The following FNDC3B variants were observed in gnomAD, a reference collection of about 807,000 sequenced individuals.
FNDC3B encodes fibronectin type III domain-containing protein 3B.
FNDC3B carries 12 observed loss-of-function variants against 151.5 expected under a neutral mutation model. The observed-to-expected ratio is 0.08, with a 90% CI of 0.05 to 0.13. FNDC3B has a LOEUF of 0.13. Among genes scored for constraint, FNDC3B ranks in the 10% least tolerant of loss-of-function variants. The pLI is 1.00. For synonymous variants in FNDC3B, 528 were observed against 549.0 expected (o/e 0.96, Z 0.54); for missense variants, 1,214 against 1,505.3 (o/e 0.81, Z 3.20).
chr3:172,159,923 AT>A (rs1303425770), intron 3 of FNDC3B, among the ~76,000 whole-genome samples: 1 of 152,188 alleles, frequency 6.6e-6, no homozygotes, highest in African/African-American at 2.4e-5. Context: ...GTAGAGGTCA[AT>A]TCATTTAACC....
chr3:172,138,718 G>A (rs1175175520), intron 3 of FNDC3B, among the ~76,000 whole-genome samples: 1 of 152,176 alleles, frequency 6.6e-6, no homozygotes, highest in East Asian at 1.9e-4. Context: ...ATACTTAATT[G>A]CTAATAGTTT....
At chr3:172,142,705 C>G (rs147192276) in intron 3 of FNDC3B, among the ~76,000 whole-genome samples, 7 of 152,216 alleles carry the variant, frequency 4.6e-5, no homozygotes, top group Non-Finnish European at 7.3e-5. Context: ...CAGAGCCTAT[C>G]CTGCATGCAG....
intron 9 of FNDC3B, chr3:172,303,095 CATACACAAATGTA>C (rs1731014558): frequency 6.6e-6 from 1 of 151,838 alleles, no homozygotes; most frequent in South Asian, 2.1e-4. Context: ...AATATGTATA[CATACACAAATGTA>C]TGCTGTGTAT....
At chr3:172,090,831 T>C (rs774310572) in intron 1 of FNDC3B, among the ~76,000 whole-genome samples, 2 of 152,216 alleles carry the variant, frequency 1.3e-5, no homozygotes, top group African/African-American at 2.4e-5. Flanking sequence ...TTGTTTCATG[T>C]ATAATATTAT....
In FNDC3B at chr3:172,398,481, G is replaced by A. The variant is rs1005355919; in HGVS notation, c.*1006G>A. On this transcript the variant is annotated 3_prime_UTR_variant, in exon 26 of 26. Transcript: ENST00000415807. ...TCTTTGAGGTATCAATGAAGTGATT[G>A]AATTTCAATACCTTAATTCAGTGCA... 4 of 152,284 alleles carry A rather than the reference G, an allele frequency of 2.6e-5. No individual in the cohort carries two copies. Among genetic ancestry groups the A allele is most frequent in the African/African-American group, 9.7e-5 (4 of 41,432 alleles). The allele number at this position is 152,284 out of a possible 1,614,324, so 9.4% of individuals were successfully genotyped here.
intron 21 of FNDC3B, among the ~76,000 whole-genome samples, chr3:172,351,046 T>C (rs755922982): frequency 5.9e-5 from 9 of 152,234 alleles, no homozygotes; most frequent in Non-Finnish European, 1.2e-4. Context: ...CAAGTACAGT[T>C]GCCAGAAATA....
At chr3:172,377,294 A>C (rs189164943) in intron 23 of FNDC3B, among the ~76,000 whole-genome samples, 79 of 152,336 alleles carry the variant, frequency 5.2e-4, no homozygotes, top group African/African-American at 1.9e-3. Context: ...GGATTAACTT[A>C]TGTAGTGGTT....
chr3:172,131,396 G>GAAAA (rs1236059229), intron 2 of FNDC3B, among the ~76,000 whole-genome samples: 1 of 106,304 alleles, frequency 9.4e-6, no homozygotes, highest in African/African-American at 3.5e-5. Context: ...TCCGTCTCAA[G>GAAAA]AAAAAAAAAA....
At chr3:172,218,134 G>GAA (rs57576493) in intron 3 of FNDC3B, among the ~76,000 whole-genome samples, 249 of 62,706 alleles carry the variant, frequency 4.0e-3, no homozygotes, top group African/African-American at 0.012. Flanking sequence ...CGACTTTCAG[G>GAA]AAAAAAAAAA....
chr3:172,086,068 A>G (rs550298215), intron 1 of FNDC3B, among the ~76,000 whole-genome samples: 1 of 152,310 alleles, frequency 6.6e-6, no homozygotes, highest in African/African-American at 2.4e-5. Context: ...GACCTAAACA[A>G]TTAAGCTCTG....
chr3:172,214,893 G>A (rs1210003899), intron 3 of FNDC3B, among the ~76,000 whole-genome samples: 1 of 152,252 alleles, frequency 6.6e-6, no homozygotes, highest in East Asian at 1.9e-4. Flanking sequence ...GTAGTTAAAA[G>A]GGATCTTCTG....
At chr3:172,283,552 T>G (rs2108821598) in intron 6 of FNDC3B, among the ~76,000 whole-genome samples, 1 of 152,322 alleles carries the variant, frequency 6.6e-6, no homozygotes, top group South Asian at 2.1e-4. Flanking sequence ...TAAGATAATC[T>G]AAATGCCTTC....
At chr3:172,153,468 C>G (rs1003044925) in intron 3 of FNDC3B, among the ~76,000 whole-genome samples, 3 of 152,202 alleles carry the variant, frequency 2.0e-5, no homozygotes, top group Admixed American at 1.3e-4. Context: ...GCAGCCAGTG[C>G]TGTTTCCTGC....
At chr3:172,226,990 C>A in intron 4 of FNDC3B, 43 bp downstream of exon 4, 1 of 1,285,318 alleles carries the variant, frequency 7.8e-7, no homozygotes, top group Non-Finnish European at 1.1e-6. Flanking sequence ...TGGACACTGT[C>A]GTTGCTCCAA....
At chr3:172,235,665 A>G (rs1444855900) in intron 4 of FNDC3B, among the ~76,000 whole-genome samples, 2 of 152,194 alleles carry the variant, frequency 1.3e-5, no homozygotes, top group Non-Finnish European at 2.9e-5. Flanking sequence ...AAAATATTCT[A>G]ACTTCAGACT....
chr3:172,262,882 G>T, intron 6 of FNDC3B, among the ~76,000 whole-genome samples: 1 of 105,848 alleles, frequency 9.4e-6, no homozygotes, highest in East Asian at 3.0e-4. Context: ...AGATGACAGA[G>T]TGAGACCGAC....
intron 3 of FNDC3B, among the ~76,000 whole-genome samples, chr3:172,189,799 T>TAAAAAAAAAAA (rs60894339): frequency 4.7e-5 from 4 of 84,314 alleles, no homozygotes; most frequent in African/African-American, 1.9e-4. Flanking sequence ...AGACCTTGTC[T>TAAAAAAAAAAA]AAAAAAAAAA....
chr3:172,059,128 T>G (rs1576825467), intron 1 of FNDC3B, among the ~76,000 whole-genome samples: 1 of 152,226 alleles, frequency 6.6e-6, no homozygotes, highest in Admixed American at 6.5e-5. Flanking sequence ...AGCATGGAAT[T>G]CTTTACTTTT....
chr3:172,241,651 A>G (rs1727498936), intron 4 of FNDC3B, among the ~76,000 whole-genome samples: 1 of 152,098 alleles, frequency 6.6e-6, no homozygotes, highest in African/African-American at 2.4e-5. Context: ...TGAGAACAGC[A>G]TGGGAAAGAC....
Sources: gnomAD v4.1 joint callset for allele counts (sites outside exome capture counted in the v4.1 genomes callset) on GRCh38, gnomAD v4.1.1 for gene constraint, MANE v1.5 for transcripts, NCBI Gene and HGNC (gene_info 2026-07-23, HGNC 2026-07-21) for gene names.